CSRNP3: variants seen among roughly 807,000 people sequenced by gnomAD.
CSRNP3 encodes the protein cysteine/serine-rich nuclear protein 3.
Under a neutral mutation model 48.0 loss-of-function variants are expected in CSRNP3, and 12 were observed. That is an observed-to-expected ratio of 0.25 (90% confidence interval 0.16 to 0.41). The LOEUF is 0.41. Ranked by LOEUF, CSRNP3 falls within the 10% of genes least tolerant of loss-of-function variation. CSRNP3 has a pLI of 1.00. For synonymous variants in CSRNP3, 263 were observed against 269.7 expected (o/e 0.98, Z 0.24); for missense variants, 580 against 724.4 (o/e 0.80, Z 2.29).
chr2:165,563,347 T>C (rs1226914438), intron 3 of CSRNP3, among the ~76,000 whole-genome samples: 1 of 152,138 alleles, frequency 6.6e-6, no homozygotes, highest in Non-Finnish European at 1.5e-5. Flanking sequence ...CTTCAATCAC[T>C]AATAGACTGC....
intron 3 of CSRNP3, among the ~76,000 whole-genome samples, chr2:165,528,006 TAATA>T (rs1684760970): frequency 6.6e-6 from 1 of 152,044 alleles, no homozygotes; most frequent in South Asian, 2.1e-4. Context: ...GAGGAAGAGC[TAATA>T]AATAATAAAA....
At chr2:165,520,497 T>C (rs2105234235) in intron 3 of CSRNP3, among the ~76,000 whole-genome samples, 1 of 151,786 alleles carries the variant, frequency 6.6e-6, no homozygotes, top group African/African-American at 2.4e-5. Context: ...GTGAATTAAA[T>C]ATCTGGCCAT....
intron 1 of CSRNP3, among the ~76,000 whole-genome samples, chr2:165,481,928 C>G (rs1018274381): frequency 6.6e-6 from 1 of 151,860 alleles, no homozygotes. Context: ...GGGGAGGGCT[C>G]GAGGAGACAG....
At chr2:165,541,316 A>G (rs975506420) in intron 3 of CSRNP3, among the ~76,000 whole-genome samples, 2 of 151,774 alleles carry the variant, frequency 1.3e-5, no homozygotes, top group African/African-American at 2.4e-5. Flanking sequence ...TAAAGGAAAG[A>G]CCCTTTTGTT....
chr2:165,600,498 G>A (rs1345909444), intron 4 of CSRNP3, among the ~76,000 whole-genome samples: 3 of 152,138 alleles, frequency 2.0e-5, no homozygotes, highest in Non-Finnish European at 4.4e-5. Context: ...AGATCCCTGA[G>A]GAATCACCAC....
rs999703819 is a variant in CSRNP3, at chr2:165,685,630, T to A, written c.*5877T>A. 2.0e-5 allele frequency: 3 copies of A among 152,148 alleles called. No homozygotes were observed. The highest frequency in any genetic ancestry group is 2.0e-4 in the Admixed American group (3 of 15,246). The allele number at this position is 152,148 out of a possible 1,614,324, so 9.4% of individuals were successfully genotyped here. On this transcript the variant is annotated 3_prime_UTR_variant, in exon 7 of 7. Coordinates refer to ENST00000651982, the MANE Select transcript of CSRNP3 (RefSeq NM_001172173.2). ...GTCATTTCAAAGATGTAAGTCACGT[T>A]GGTGACTACTTTCTTTTACTTGTGA... is the stretch of plus-strand genomic sequence containing the variant.
In CSRNP3 at chr2:165,681,829, G is replaced by GTGTGTATA. The variant is rs1553485872; in HGVS notation, c.*2077_*2078insGTGTATAT. ...TGTGTGTGTGTGTGTGTGTGTGTGT[G>GTGTGTATA]TATATATATATATCCCATGTTGTCT... On this transcript the variant is annotated 3_prime_UTR_variant, in exon 7 of 7. Coordinates refer to ENST00000651982, the MANE Select transcript of CSRNP3 (RefSeq NM_001172173.2). 6 of 134,728 alleles carry GTGTGTATA rather than the reference G, an allele frequency of 4.5e-5. No homozygotes were observed. The highest frequency in any genetic ancestry group is 9.3e-5 in the Non-Finnish European group (6 of 64,234). The allele number at this position is 134,728 out of a possible 1,614,324, so 8.3% of individuals were successfully genotyped here.
At chr2:165,533,848 T>G (rs555051752) in intron 3 of CSRNP3, among the ~76,000 whole-genome samples, 2 of 152,160 alleles carry the variant, frequency 1.3e-5, no homozygotes, top group East Asian at 3.9e-4. Flanking sequence ...GTATGTGAGT[T>G]TGAAGGCTTT....
intron 4 of CSRNP3, among the ~76,000 whole-genome samples, chr2:165,632,583 G>C (rs187154689): frequency 6.6e-6 from 1 of 152,098 alleles, no homozygotes; most frequent in Admixed American, 6.6e-5. Flanking sequence ...CCTGCAATGG[G>C]ACTTTACAGC....
At chr2:165,647,550 A>T (rs1686834120) in intron 4 of CSRNP3, among the ~76,000 whole-genome samples, 1 of 152,190 alleles carries the variant, frequency 6.6e-6, no homozygotes, top group African/African-American at 2.4e-5. Context: ...ACATTGATCA[A>T]AATTCTTTAA....
Position 165,502,009 on chromosome 2 carries a change from C to A in CSRNP3, c.-113+7081C>A, listed in dbSNP as rs76028407. 9.4e-3 allele frequency among the ~76,000 whole-genome samples: 1,426 copies of A among 152,090 alleles called. 26 individuals are homozygous for A. Among genetic ancestry groups the A allele is most frequent in the African/African-American group, 0.032 (1,336 of 41,540 alleles). On this transcript the variant is annotated intron_variant, in intron 2 of 6. Coordinates refer to ENST00000651982, the MANE Select transcript of CSRNP3 (RefSeq NM_001172173.2). ...AATTAGAACATTGAAATATTTAGAG[C>A]TGACGTATTTAATATTTCTTTGTTT...
At chr2:165,551,839 G>A (rs189875355) in intron 3 of CSRNP3, among the ~76,000 whole-genome samples, 126 of 152,206 alleles carry the variant, frequency 8.3e-4, no homozygotes, top group African/African-American at 2.9e-3. Flanking sequence ...ATGTCAACCT[G>A]TTTTCAAGTG....
At chr2:165,628,233 C>G (rs551967730) in intron 4 of CSRNP3, among the ~76,000 whole-genome samples, 42 of 152,154 alleles carry the variant, frequency 2.8e-4, no homozygotes, top group Non-Finnish European at 5.1e-4. Flanking sequence ...ATTCCCCAAC[C>G]CCTACTACAA....
At chr2:165,515,258 A>T (rs1191027808) in intron 2 of CSRNP3, among the ~76,000 whole-genome samples, 1 of 150,404 alleles carries the variant, frequency 6.6e-6, no homozygotes, top group African/African-American at 2.4e-5. Context: ...TGGGAGGTGG[A>T]GGTTGCAGTG....
chr2:165,553,395 G>C (rs914056446), intron 3 of CSRNP3, among the ~76,000 whole-genome samples: 6 of 152,010 alleles, frequency 3.9e-5, no homozygotes, highest in African/African-American at 1.5e-4. Flanking sequence ...TATATGCCTG[G>C]TATGACCCCA....
At chr2:165,575,348 A>G (rs1055046536) in intron 3 of CSRNP3, among the ~76,000 whole-genome samples, 2 of 152,156 alleles carry the variant, frequency 1.3e-5, no homozygotes, top group African/African-American at 2.4e-5. Context: ...AAAGCACTTA[A>G]GTATATCAAT....
chr2:165,612,331 A>G (rs763593015), intron 4 of CSRNP3, among the ~76,000 whole-genome samples: 9 of 152,082 alleles, frequency 5.9e-5, no homozygotes, highest in Non-Finnish European at 1.0e-4. Flanking sequence ...GGGGAAAAGT[A>G]TCAGTTATAA....
chr2:165,520,016 A>G (rs1490418638), intron 3 of CSRNP3, among the ~76,000 whole-genome samples: 1 of 152,186 alleles, frequency 6.6e-6, no homozygotes, highest in Non-Finnish European at 1.5e-5. Flanking sequence ...AATCATTAGT[A>G]AGATATATGT....
At chr2:165,661,758 T>C (rs1189827364) in intron 5 of CSRNP3, among the ~76,000 whole-genome samples, 1 of 152,118 alleles carries the variant, frequency 6.6e-6, no homozygotes, top group Non-Finnish European at 1.5e-5. Flanking sequence ...CCTGAGTTGG[T>C]CCTTTGTGAG....
Sources: allele counts gnomAD v4.1 joint callset (sites outside exome capture counted in the v4.1 genomes callset), GRCh38; gene constraint gnomAD v4.1.1; transcripts MANE v1.5; gene names NCBI Gene and HGNC (gene_info 2026-07-23, HGNC 2026-07-21).